The following SRPK2 variants were observed in gnomAD, a reference collection of about 807,000 sequenced individuals.
The protein encoded by SRPK2 is SFRS protein kinase 2.
A neutral mutation model predicts 90.8 loss-of-function variants in SRPK2; 21 were observed. The observed-to-expected ratio is 0.23, with a 90% CI of 0.16 to 0.33. SRPK2 has a LOEUF of 0.33. Ranked by LOEUF, SRPK2 falls within the 10% of genes least tolerant of loss-of-function variation. The probability of loss-of-function intolerance (pLI) is 1.00; values close to 1 mark genes in which losing one functional copy is unlikely to be tolerated. For synonymous variants in SRPK2, 288 were observed against 311.1 expected (o/e 0.93, Z 0.78); for missense variants, 620 against 869.0 (o/e 0.71, Z 3.60).
intron 2 of SRPK2, among the ~76,000 whole-genome samples, chr7:105,369,444 G>A (rs997994049): frequency 1.3e-4 from 20 of 151,840 alleles, no homozygotes; most frequent in Non-Finnish European, 2.5e-4. Flanking sequence ...CACTGTGCCC[G>A]GCCTACACAA....
intron 2 of SRPK2, among the ~76,000 whole-genome samples, chr7:105,283,824 C>A (rs958509296): frequency 2.6e-5 from 4 of 151,766 alleles, no homozygotes; most frequent in African/African-American, 9.7e-5. Flanking sequence ...GACACCGTTT[C>A]TACAAAAAAT....
At chr7:105,178,202 A>G (rs1245114288) in intron 3 of SRPK2, among the ~76,000 whole-genome samples, 1 of 152,118 alleles carries the variant, frequency 6.6e-6, no homozygotes, top group Middle Eastern at 3.2e-3. Context: ...CATTCACCAC[A>G]GCAAAAACAC....
intron 2 of SRPK2, among the ~76,000 whole-genome samples, chr7:105,357,342 T>C (rs964470616): frequency 1.2e-4 from 18 of 152,230 alleles, no homozygotes; most frequent in South Asian, 2.1e-4. Flanking sequence ...CCCAGCCAAA[T>C]AACACTAATT....
intron 2 of SRPK2, among the ~76,000 whole-genome samples, chr7:105,373,139 C>T (rs1188356053): frequency 6.6e-6 from 1 of 152,054 alleles, no homozygotes; most frequent in Non-Finnish European, 1.5e-5. Flanking sequence ...CAGAGCAAGA[C>T]AAAACTCTCT....
intron 3 of SRPK2, among the ~76,000 whole-genome samples, chr7:105,188,029 A>G (rs1416779658): frequency 6.6e-6 from 1 of 152,226 alleles, no homozygotes; most frequent in Non-Finnish European, 1.5e-5. Flanking sequence ...ACTCCTAGAT[A>G]CATACCAAAG....
At chr7:105,356,312 T>A (rs529922441) in intron 2 of SRPK2, among the ~76,000 whole-genome samples, 1 of 152,108 alleles carries the variant, frequency 6.6e-6, no homozygotes, top group Non-Finnish European at 1.5e-5. Flanking sequence ...TGCTCCATCC[T>A]GGAGCATGAA....
intron 2 of SRPK2, among the ~76,000 whole-genome samples, chr7:105,339,353 TCATTCCATAAG>T (rs1426858337): frequency 6.6e-6 from 1 of 152,210 alleles, no homozygotes; most frequent in African/African-American, 2.4e-5. Context: ...ATCACCTCAT[TCATTCCATAAG>T]CACTTATTAA....
At chr7:105,291,044 CAAAAA>C (rs10684672) in intron 2 of SRPK2, among the ~76,000 whole-genome samples, 3 of 83,796 alleles carry the variant, frequency 3.6e-5, no homozygotes, top group African/African-American at 1.0e-4. Flanking sequence ...GACTCCGTCT[CAAAAA>C]AAAAAAAAAA....
chr7:105,314,704 C>T (rs1302595272), intron 2 of SRPK2, among the ~76,000 whole-genome samples: 2 of 152,140 alleles, frequency 1.3e-5, no homozygotes, highest in Non-Finnish European at 2.9e-5. Context: ...TTTGTAAATG[C>T]CGGCTGACAT....
intron 2 of SRPK2, 127 bp from the exon 3 acceptor site, chr7:105,203,912 A>T: frequency 8.4e-7 from 1 of 1,187,432 alleles, no homozygotes; most frequent in Admixed American, 2.5e-5. Context: ...ATGTCATTTA[A>T]TGTCACTTCA....
chr7:105,321,682 A>C (rs1812957456), intron 2 of SRPK2, among the ~76,000 whole-genome samples: 1 of 152,244 alleles, frequency 6.6e-6, no homozygotes, highest in Non-Finnish European at 1.5e-5. Context: ...AAGGTCAACA[A>C]GAATATGAAA....
chr7:105,387,212 C>T (rs974847706), intron 2 of SRPK2, among the ~76,000 whole-genome samples: 3 of 152,144 alleles, frequency 2.0e-5, no homozygotes, highest in Admixed American at 2.0e-4. Context: ...TAACAGACTA[C>T]GTGGAATTAA....
chr7:105,302,633 G>A (rs1447143967), intron 2 of SRPK2, among the ~76,000 whole-genome samples: 2 of 151,978 alleles, frequency 1.3e-5, no homozygotes, highest in Non-Finnish European at 2.9e-5. Flanking sequence ...TTTAATTTTT[G>A]AAAGGTGAAC....
At chr7:105,237,564 T>C (rs1800289191) in intron 2 of SRPK2, among the ~76,000 whole-genome samples, 2 of 152,212 alleles carry the variant, frequency 1.3e-5, no homozygotes, top group African/African-American at 4.8e-5. Flanking sequence ...CTCTAAATAC[T>C]ACTTAAATCT....
chr7:105,176,589 ATGTGTG>A (rs373147650), intron 3 of SRPK2, among the ~76,000 whole-genome samples: 20 of 107,042 alleles, frequency 1.9e-4, no homozygotes, highest in East Asian at 6.5e-4. Context: ...GTATGTATAT[ATGTGTG>A]TGTGTGTGTG....
intron 7 of SRPK2, among the ~76,000 whole-genome samples, chr7:105,154,793 G>A (rs1270262761): frequency 6.6e-6 from 1 of 151,440 alleles, no homozygotes; most frequent in Non-Finnish European, 1.5e-5. Flanking sequence ...TCCTGCCTCA[G>A]CCTCCCGAGT....
intron 15 of SRPK2, among the ~76,000 whole-genome samples, chr7:105,122,757 G>A (rs1332778616): frequency 1.3e-5 from 2 of 152,018 alleles, no homozygotes; most frequent in East Asian, 3.8e-4. Context: ...TCTTGCTTTT[G>A]AAATTTTCAA....
At chr7:105,253,065 G>T (rs186872221) in intron 2 of SRPK2, among the ~76,000 whole-genome samples, 3 of 152,190 alleles carry the variant, frequency 2.0e-5, no homozygotes, top group Non-Finnish European at 4.4e-5. Flanking sequence ...TTTAAGTTAG[G>T]ATTTCTTTAA....
intron 13 of SRPK2, among the ~76,000 whole-genome samples, chr7:105,130,028 G>A (rs1364258131): frequency 6.6e-6 from 1 of 152,060 alleles, no homozygotes; most frequent in Admixed American, 6.6e-5. Context: ...CCACAAAGAA[G>A]TTTCAGATTA....
Sources: allele counts gnomAD v4.1 joint callset (sites outside exome capture counted in the v4.1 genomes callset), GRCh38; gene constraint gnomAD v4.1.1; transcripts MANE v1.5; gene names NCBI Gene and HGNC (gene_info 2026-07-23, HGNC 2026-07-21).